The following UNC13C variants were observed in gnomAD, a reference collection of about 807,000 sequenced individuals.
UNC13C encodes the protein unc-13 homolog C.
UNC13C carries 174 observed loss-of-function variants against 245.4 expected under a neutral mutation model. That is an observed-to-expected ratio of 0.71 (90% confidence interval 0.63 to 0.80). The LOEUF is 0.80. Among genes scored for constraint, UNC13C ranks in the 30% least tolerant of loss-of-function variants. The probability of loss-of-function intolerance (pLI) is 0.00; values close to 1 mark genes in which losing one functional copy is unlikely to be tolerated. For synonymous variants in UNC13C, 992 were observed against 895.1 expected (o/e 1.11, Z -1.93); for missense variants, 2,829 against 2,602.9 (o/e 1.09, Z -1.89).
At chr15:54,275,910 G>C (rs896129845) in intron 10 of UNC13C, among the ~76,000 whole-genome samples, 2 of 151,984 alleles carry the variant, frequency 1.3e-5, no homozygotes, top group Non-Finnish European at 2.9e-5. Flanking sequence ...TATAAGTCGT[G>C]GTAAATCCAG....
intron 2 of UNC13C, among the ~76,000 whole-genome samples, chr15:54,134,441 T>TGTGC (rs1348593479): frequency 1.3e-5 from 2 of 150,824 alleles, no homozygotes; most frequent in Admixed American, 1.3e-4. Flanking sequence ...TGTGTGTGCG[T>TGTGC]TTGTGTGTGT....
At chr15:54,296,301 C>T (rs990156191) in intron 11 of UNC13C, among the ~76,000 whole-genome samples, 6 of 151,922 alleles carry the variant, frequency 3.9e-5, no homozygotes, top group Non-Finnish European at 7.4e-5. Flanking sequence ...CCCAGGTTCA[C>T]ACCATTCTGC....
intron 2 of UNC13C, among the ~76,000 whole-genome samples, chr15:54,073,452 G>A (rs934874638): frequency 1.4e-4 from 21 of 152,198 alleles, no homozygotes; most frequent in Middle Eastern, 3.4e-3. Flanking sequence ...TTGAGGAATC[G>A]CCACACTGTC....
At chr15:54,223,439 T>C (rs1188008065) in intron 4 of UNC13C, among the ~76,000 whole-genome samples, 3 of 152,020 alleles carry the variant, frequency 2.0e-5, no homozygotes, top group African/African-American at 7.2e-5. Flanking sequence ...CTATTCTGTT[T>C]CATTGGTCTG....
At chr15:53,863,984 G>C in the UNC13C span, among the ~76,000 whole-genome samples, 1 of 152,090 alleles carries the variant, frequency 6.6e-6, no homozygotes, top group Non-Finnish European at 1.5e-5. Context: ...GTTCCATGCT[G>C]GCTGCCAGAG....
chr15:54,071,354 G>T (rs1407139869), intron 2 of UNC13C, among the ~76,000 whole-genome samples: 1 of 152,064 alleles, frequency 6.6e-6, no homozygotes, highest in Non-Finnish European at 1.5e-5. Flanking sequence ...AAAAAACAGT[G>T]CCTAGAGCAT....
chr15:54,570,817 C>T (rs1039718638), intron 30 of UNC13C, among the ~76,000 whole-genome samples: 2 of 152,198 alleles, frequency 1.3e-5, no homozygotes, highest in Non-Finnish European at 2.9e-5. Flanking sequence ...ATAGTTTGTA[C>T]TTATGACTTC....
chr15:54,000,664 C>T (rs1259269028), intron 1 of UNC13C, among the ~76,000 whole-genome samples: 9 of 152,064 alleles, frequency 5.9e-5, no homozygotes, highest in African/African-American at 2.2e-4. Flanking sequence ...TAAGGATGTT[C>T]TTTTGGCATT....
At chr15:54,153,705 T>C in intron 4 of UNC13C, among the ~76,000 whole-genome samples, 1 of 152,234 alleles carries the variant, frequency 6.6e-6, no homozygotes, top group Non-Finnish European at 1.5e-5. Context: ...TCTAAGTATA[T>C]GTACCAAATA....
intron 1 of UNC13C, among the ~76,000 whole-genome samples, chr15:53,984,404 C>T (rs963000153): frequency 9.2e-5 from 14 of 152,032 alleles, no homozygotes; most frequent in Admixed American, 7.9e-4. Context: ...CTTCTTTGGT[C>T]TTGGATTACA....
At chr15:54,255,435 G>A (rs2036254930) in intron 8 of UNC13C, among the ~76,000 whole-genome samples, 1 of 152,090 alleles carries the variant, frequency 6.6e-6, no homozygotes, top group South Asian at 2.1e-4. Flanking sequence ...CGTTCTGTTA[G>A]TTGATAGTCT....
the UNC13C span, chr15:53,947,564 C>T: frequency 6.6e-6 from 1 of 152,192 alleles, no homozygotes; most frequent in South Asian, 2.1e-4. Flanking sequence ...ACCATCATGC[C>T]TCTGATCACC....
intron 25 of UNC13C, among the ~76,000 whole-genome samples, chr15:54,530,533 T>G (rs1232263473): frequency 6.6e-6 from 1 of 152,088 alleles, no homozygotes; most frequent in Non-Finnish European, 1.5e-5. Context: ...TAAATTAAAT[T>G]ATGCAGTGCG....
chr15:54,439,351 C>T (rs1485262749), intron 19 of UNC13C, among the ~76,000 whole-genome samples: 1 of 151,838 alleles, frequency 6.6e-6, no homozygotes, highest in Non-Finnish European at 1.5e-5. Flanking sequence ...TTTCTTTCGA[C>T]TATGTAATCT....
chr15:54,411,167 A>G (rs1033751875), intron 18 of UNC13C, among the ~76,000 whole-genome samples: 1 of 152,008 alleles, frequency 6.6e-6, no homozygotes, highest in African/African-American at 2.4e-5. Context: ...CATTCAAATC[A>G]TTTGCCCATT....
At chr15:53,881,603 T>C in the UNC13C span, among the ~76,000 whole-genome samples, 3 of 152,248 alleles carry the variant, frequency 2.0e-5, no homozygotes, top group Admixed American at 1.3e-4. Flanking sequence ...GGTGGACACC[T>C]GTCTTTAGCC....
At chr15:54,396,033 C>G (rs2040062575) in intron 18 of UNC13C, among the ~76,000 whole-genome samples, 1 of 151,458 alleles carries the variant, frequency 6.6e-6, no homozygotes, top group Non-Finnish European at 1.5e-5. Context: ...TAGTATTAAG[C>G]AGAGTACTTT....
intron 2 of UNC13C, among the ~76,000 whole-genome samples, chr15:54,120,276 C>T (rs1213999197): frequency 1.3e-5 from 2 of 152,120 alleles, no homozygotes; most frequent in African/African-American, 2.4e-5. Flanking sequence ...GCCAGTGCTC[C>T]ATTTTGCATT....
chr15:54,333,961 C>G (rs549434810), intron 16 of UNC13C, 105 bp downstream of exon 16: 2 of 758,714 alleles, frequency 2.6e-6, no homozygotes, highest in Non-Finnish European at 4.5e-6. Context: ...TGTGTTAACT[C>G]CATCGATTAA....
Sources: gnomAD v4.1 joint callset for allele counts (sites outside exome capture counted in the v4.1 genomes callset) on GRCh38, gnomAD v4.1.1 for gene constraint, MANE v1.5 for transcripts, NCBI Gene and HGNC (gene_info 2026-07-23, HGNC 2026-07-21) for gene names.